TBCK: variants seen among roughly 807,000 people sequenced by gnomAD.
TBCK encodes TBC1 domain containing kinase, also known as TBC domain-containing protein kinase-like protein.
In TBCK, 99 loss-of-function variants were observed where a neutral mutation model predicts 113.4. The observed-to-expected ratio is 0.87, with a 90% CI of 0.74 to 1.03. TBCK has a LOEUF of 1.03. Ranked by LOEUF, TBCK falls within the 50% of genes least tolerant of loss-of-function variation. The pLI, the probability that TBCK is intolerant of heterozygous loss-of-function variation, is 0.00. For synonymous variants in TBCK, 369 were observed against 370.8 expected, an observed-to-expected ratio of 1.00 and a Z score of 0.05; for missense variants, 1,045 against 1,061.3, an observed-to-expected ratio of 0.98 and a Z score of 0.21.
chr4:106,182,166 G>A (rs1321480600), intron 22 of TBCK, among the ~76,000 whole-genome samples: 1 of 152,050 alleles, frequency 6.6e-6, no homozygotes, highest in Non-Finnish European at 1.5e-5. Flanking sequence ...TTGGCTCTCT[G>A]TTTATGTGTT....
At chr4:106,296,114 TC>T (rs1427519741) in intron 2 of TBCK, among the ~76,000 whole-genome samples, 1 of 152,142 alleles carries the variant, frequency 6.6e-6, no homozygotes, top group African/African-American at 2.4e-5. Context: ...ATGGCACAGT[TC>T]TAAGGGCCAG....
chr4:106,299,288 G>A (rs1360151177), intron 2 of TBCK, among the ~76,000 whole-genome samples: 1 of 152,220 alleles, frequency 6.6e-6, no homozygotes, highest in Non-Finnish European at 1.5e-5. Flanking sequence ...CCTGTCCTGT[G>A]TAGAAAATTA....
chr4:106,308,952 G>C lies in TBCK; in HGVS notation c.9C>G (p.Pro3=), dbSNP rs1307739433. The C allele has an allele frequency of 6.2e-7, 1 of 1,613,548 alleles. No homozygotes were observed. The highest frequency in any genetic ancestry group is 8.5e-7 in the Non-Finnish European group (1 of 1,179,804). Residue 3 remains proline, a synonymous_variant, in exon 2 of 26, where the codon CCC becomes CCG. Transcript: ENST00000394708. MF[P]LKDAEMGAFT... is the part of the protein sequence containing the mutation. ...AGGCTCCCATTTCAGCGTCCTTCAG[G>C]GGAAACATTTTTGGAGTCCTAGGTC...
At chr4:106,266,626 A>G (rs1461255918) in intron 3 of TBCK, among the ~76,000 whole-genome samples, 2 of 151,914 alleles carry the variant, frequency 1.3e-5, no homozygotes, top group Admixed American at 6.6e-5. Context: ...AAAAATTCAA[A>G]CATAAATGAC....
intron 23 of TBCK, among the ~76,000 whole-genome samples, chr4:106,120,164 G>A (rs745763735): frequency 6.6e-6 from 1 of 152,200 alleles, no homozygotes; most frequent in Non-Finnish European, 1.5e-5. Context: ...GAAGCGCAAG[G>A]GGTCAGGGAG....
intron 22 of TBCK, among the ~76,000 whole-genome samples, chr4:106,180,450 C>A (rs1342263564): frequency 6.6e-6 from 1 of 151,726 alleles, no homozygotes; most frequent in African/African-American, 2.4e-5. Flanking sequence ...TTTTGTTACA[C>A]AGGTATACAT....
chr4:106,243,286 A>G (rs1489451272), intron 11 of TBCK, among the ~76,000 whole-genome samples: 1 of 152,172 alleles, frequency 6.6e-6, no homozygotes, highest in East Asian at 1.9e-4. Flanking sequence ...CTCTCCTGAC[A>G]TTAACTCAAT....
chr4:106,251,763 A>G, intron 6 of TBCK, 103 bp downstream of exon 6: 1 of 1,086,698 alleles, frequency 9.2e-7, no homozygotes, highest in Non-Finnish European at 1.2e-6. Context: ...TATGTAATTA[A>G]TTTGTACAGC....
intron 11 of TBCK, 21 bp downstream of exon 11, chr4:106,244,605 A>G: frequency 1.3e-6 from 2 of 1,529,132 alleles, no homozygotes; most frequent in African/African-American, 2.9e-5. Flanking sequence ...TTAAATTCCC[A>G]AGAGAAGTTT....
chr4:106,070,345 C>T (rs1442147646), intron 25 of TBCK, among the ~76,000 whole-genome samples: 1 of 152,142 alleles, frequency 6.6e-6, no homozygotes, highest in Non-Finnish European at 1.5e-5. Context: ...GAGCTTTTAG[C>T]ATGAAGGGCT....
At chr4:106,201,302 AAT>A (rs1396059381) in intron 20 of TBCK, among the ~76,000 whole-genome samples, 1 of 152,038 alleles carries the variant, frequency 6.6e-6, no homozygotes, top group African/African-American at 2.4e-5. Context: ...CATCTTAAAT[AAT>A]TACTCAGGAT....
At chr4:106,107,817 A>G (rs1378277329) in intron 24 of TBCK, among the ~76,000 whole-genome samples, 2 of 152,222 alleles carry the variant, frequency 1.3e-5, no homozygotes, top group Non-Finnish European at 2.9e-5. Context: ...AAGGCATGAA[A>G]AACTATTCAA....
intron 3 of TBCK, among the ~76,000 whole-genome samples, chr4:106,293,192 A>C (rs1765904505): frequency 6.6e-6 from 1 of 151,598 alleles, no homozygotes; most frequent in Non-Finnish European, 1.5e-5. Context: ...ATTCTAGATT[A>C]AAGTCAAGAC....
chr4:106,095,412 G>C, intron 25 of TBCK, 70 bp downstream of exon 25: 1 of 1,386,720 alleles, frequency 7.2e-7, no homozygotes, highest in Non-Finnish European at 9.8e-7. Context: ...TATACTTTTA[G>C]ATAACCTTCA....
At chr4:106,250,366 T>C (rs764046948) in intron 7 of TBCK, 52 bp downstream of exon 7, 2 of 1,203,342 alleles carry the variant, frequency 1.7e-6, no homozygotes, top group Non-Finnish European at 1.2e-6. Context: ...GCATGATTAC[T>C]AATAGTAAGT....
At chr4:106,277,839 C>T (rs1764181133) in intron 3 of TBCK, among the ~76,000 whole-genome samples, 1 of 151,930 alleles carries the variant, frequency 6.6e-6, no homozygotes, top group Non-Finnish European at 1.5e-5. Flanking sequence ...GTGTACTTCA[C>T]CAAATGTAAA....
At chr4:106,121,525 T>C (rs2149587344) in intron 23 of TBCK, among the ~76,000 whole-genome samples, 2 of 151,596 alleles carry the variant, frequency 1.3e-5, no homozygotes, top group South Asian at 2.1e-4. Flanking sequence ...CAAGCAGACC[T>C]AATAGACATC....
At chr4:106,299,274 G>A (rs949787214) in intron 2 of TBCK, among the ~76,000 whole-genome samples, 3 of 152,196 alleles carry the variant, frequency 2.0e-5, no homozygotes, top group Non-Finnish European at 2.9e-5. Context: ...TCACTGAACA[G>A]AGCCCTGTCC....
At chr4:106,240,952 G>A (rs901148414) in intron 12 of TBCK, among the ~76,000 whole-genome samples, 2 of 152,020 alleles carry the variant, frequency 1.3e-5, no homozygotes, top group Admixed American at 6.6e-5. Flanking sequence ...AGTCTCTATC[G>A]CAACTACTCA....
Sources: allele counts gnomAD v4.1 joint callset (sites outside exome capture counted in the v4.1 genomes callset), GRCh38; gene constraint gnomAD v4.1.1; transcripts MANE v1.5; gene names NCBI Gene and HGNC (gene_info 2026-07-23, HGNC 2026-07-21).